The following PLS1 variants were observed in gnomAD, a reference collection of about 807,000 sequenced individuals.
The protein encoded by PLS1 is plastin 1, also known as plastin-1.
In PLS1, 32 loss-of-function variants were observed where a neutral mutation model predicts 73.7. That is an observed-to-expected ratio of 0.43 (90% CI 0.33 to 0.58). The LOEUF is 0.58. Among genes scored for constraint, PLS1 ranks in the 20% least tolerant of loss-of-function variants. The pLI, the probability that PLS1 is intolerant of heterozygous loss-of-function variation, is 0.04. For missense variants in PLS1, 633 were observed against 740.5 expected, an observed-to-expected ratio of 0.85 and a Z score of 1.68; for synonymous variants, 217 against 261.3, an observed-to-expected ratio of 0.83 and a Z score of 1.63.
chr3:142,643,435 G>A (rs2036883120), intron 1 of PLS1, among the ~76,000 whole-genome samples: 1 of 152,190 alleles, frequency 6.6e-6, no homozygotes. Context: ...GTATTTGATA[G>A]GAATGCATTG....
intron 1 of PLS1, among the ~76,000 whole-genome samples, chr3:142,624,403 C>T (rs1334346112): frequency 6.6e-6 from 1 of 152,154 alleles, no homozygotes; most frequent in Non-Finnish European, 1.5e-5. Flanking sequence ...TATATCTTTA[C>T]CCTATGCAGC....
chr3:142,674,946 G>A (rs112476062), intron 4 of PLS1, among the ~76,000 whole-genome samples: 1,704 of 152,228 alleles, frequency 0.011, 36 homozygotes, highest in African/African-American at 0.039. Flanking sequence ...GGCCAGGCTG[G>A]TCTCAAACTC....
chr3:142,646,003 C>T (rs945837542), intron 1 of PLS1, among the ~76,000 whole-genome samples: 3 of 152,078 alleles, frequency 2.0e-5, no homozygotes, highest in African/African-American at 7.2e-5. Flanking sequence ...TGGAGACCAC[C>T]AATATGAAGG....
chr3:142,667,132 G>A (rs750782431), intron 2 of PLS1, among the ~76,000 whole-genome samples: 2 of 152,172 alleles, frequency 1.3e-5, no homozygotes, highest in African/African-American at 4.8e-5. Context: ...AATTTCATGA[G>A]ATGGCCGGGT....
At position 142,682,506 on chromosome 3, in the gene PLS1, C is replaced by CA. The variant is rs1352497268; in HGVS notation, c.580-1498dup. Among the ~76,000 whole-genome samples, 19 of 152,322 alleles carry CA rather than the reference C, an allele frequency of 1.2e-4. No homozygotes were observed. The East Asian group carries it at 3.7e-3, about 29-fold the overall frequency. On this transcript the variant is annotated intron_variant, in intron 6 of 15. Coordinates refer to ENST00000457734, the MANE Select transcript of PLS1 (RefSeq NM_001145319.2). The stretch of plus-strand genomic sequence containing the variant: ...TTTTGGTTCTTACTAGTATTGCAAT[C>CA]AATTTAGCGAAATTACACACTTCTT...
At chr3:142,669,611 A>C (rs770694215) in intron 3 of PLS1, 58 bp downstream of exon 3, 1 of 1,209,116 alleles carries the variant, frequency 8.3e-7, no homozygotes, top group Non-Finnish European at 1.2e-6. Context: ...GAATTGTAGT[A>C]ATGTCATCAC....
chr3:142,663,602 G>A (rs573467200), intron 1 of PLS1, among the ~76,000 whole-genome samples: 3 of 152,176 alleles, frequency 2.0e-5, no homozygotes, highest in South Asian at 4.1e-4. Context: ...AGGAGGCTGA[G>A]GTGGGAGGAT....
chr3:142,640,126 A>G (rs2036797941), intron 1 of PLS1, among the ~76,000 whole-genome samples: 1 of 152,222 alleles, frequency 6.6e-6, no homozygotes, highest in Non-Finnish European at 1.5e-5. Context: ...ACAAGACCAG[A>G]AGAATTTAAA....
At chr3:142,685,834 T>A (rs1436240708) in intron 8 of PLS1, among the ~76,000 whole-genome samples, 2 of 152,230 alleles carry the variant, frequency 1.3e-5, no homozygotes, top group Non-Finnish European at 2.9e-5. Context: ...AAGAACTATA[T>A]ATCCATCTTT....
At chr3:142,645,909 C>T (rs1414309622) in intron 1 of PLS1, among the ~76,000 whole-genome samples, 4 of 152,118 alleles carry the variant, frequency 2.6e-5, no homozygotes, top group African/African-American at 7.2e-5. Context: ...AGTTCTGTAC[C>T]GACAAGTCAG....
Position 142,711,952 on chromosome 3 carries a change from T to C in PLS1, c.1835T>C (p.Met612Thr). 6.2e-7 allele frequency: 1 copy of C among 1,613,424 alleles called. No homozygotes were observed. The highest frequency in any genetic ancestry group is 8.5e-7 in the Non-Finnish European group (1 of 1,179,396). ...GACCTCGTAGAAGTGAAACCAAAGA[T>C]GGTTATGACGGTGTTTGCATGCTTA... Reference protein sequence around the residue: ...PDDLVEVKPKMVMTVFACLMG... With the variant: ...PDDLVEVKPKTVMTVFACLMG... The change falls in exon 16 of 16, where the codon ATG becomes ACG. Residue 612 changes from methionine to threonine, a missense_variant. By Grantham distance (81) the Met-to-Thr change is moderately conservative. Transcript: ENST00000457734.
chr3:142,662,940 G>A (rs2037402521), intron 1 of PLS1, among the ~76,000 whole-genome samples: 1 of 152,078 alleles, frequency 6.6e-6, no homozygotes, highest in East Asian at 1.9e-4. Flanking sequence ...CGGGCTCAGT[G>A]GCTCAGCGTC....
In PLS1 at chr3:142,704,672, G is replaced by A. The variant is rs1306026806; in HGVS notation, c.1629+86G>A. The stretch of plus-strand genomic sequence containing the variant: ...TTTTTTTTTTTTTTTTTTTGGAGAT[G>A]GAGTCTCGCTCTGTCACCCAGGCTG... On this transcript the variant is annotated intron_variant, in intron 14 of 15. Coordinates refer to ENST00000457734, the MANE Select transcript of PLS1 (RefSeq NM_001145319.2). 3.1e-5 allele frequency: 17 copies of A among 551,572 alleles called. 1 individual carries two copies. The highest frequency in any genetic ancestry group is 4.6e-5 in the Non-Finnish European group (17 of 367,610). 34.2% of individuals were successfully genotyped at this position (551,572 alleles called of 1,614,324 possible). A position where few individuals can be genotyped will look rare whatever the true frequency, so the allele number is the denominator to read the frequency against.
intron 6 of PLS1, among the ~76,000 whole-genome samples, chr3:142,678,717 C>A (rs374325408): frequency 6.6e-6 from 1 of 151,374 alleles, no homozygotes; most frequent in Non-Finnish European, 1.5e-5. Context: ...ATTGTGAATA[C>A]TGCTGCAATA....
intron 11 of PLS1, among the ~76,000 whole-genome samples, chr3:142,696,083 C>T (rs1173160589): frequency 4.6e-5 from 7 of 152,202 alleles, no homozygotes; most frequent in African/African-American, 7.2e-5. Context: ...CGTGGGCCAC[C>T]GTGCCCAAGA....
intron 1 of PLS1, among the ~76,000 whole-genome samples, chr3:142,625,892 T>A (rs1398021107): frequency 1.3e-5 from 2 of 152,198 alleles, no homozygotes; most frequent in African/African-American, 4.8e-5. Context: ...GAGGATTGAT[T>A]GAGCCCAGGA....
intron 14 of PLS1, among the ~76,000 whole-genome samples, chr3:142,708,324 C>G (rs1266983263): frequency 6.6e-6 from 1 of 152,088 alleles, no homozygotes; most frequent in African/African-American, 2.4e-5. Context: ...TCAGCTCACT[C>G]CAACCTCTGC....
intron 1 of PLS1, among the ~76,000 whole-genome samples, chr3:142,646,706 G>A (rs1363492303): frequency 1.3e-5 from 2 of 152,202 alleles, no homozygotes; most frequent in Admixed American, 6.5e-5. Context: ...GCTGTCTGGC[G>A]CCTGTTCTTT....
At chr3:142,599,182 A>G (rs13086864) in intron 1 of PLS1, among the ~76,000 whole-genome samples, 47,268 of 123,664 alleles carry the variant, frequency 0.38, 8,069 homozygotes, top group Non-Finnish European at 0.41. Flanking sequence ...ATGAATGAAT[A>G]AATAAATAAA....
Sources: allele counts gnomAD v4.1 joint callset (sites outside exome capture counted in the v4.1 genomes callset), GRCh38; gene constraint gnomAD v4.1.1; transcripts MANE v1.5; gene names NCBI Gene and HGNC (gene_info 2026-07-23, HGNC 2026-07-21).